GPC5: variants seen among roughly 807,000 people sequenced by gnomAD.
The protein encoded by GPC5 is glypican 5.
GPC5 carries 47 observed loss-of-function variants against 53.9 expected under a neutral mutation model. The ratio of observed to expected loss-of-function variants is 0.87; its 90% CI spans 0.69 to 1.11. The LOEUF is 1.11. Among genes scored for constraint, GPC5 ranks in the 50% most tolerant of loss-of-function variants. The pLI is 0.00. For missense variants in GPC5, 748 were observed against 713.1 expected (o/e 1.05, Z -0.56); for synonymous variants, 286 against 263.3 (o/e 1.09, Z -0.84).
chr13:91,454,090 C>T (rs1881373930), intron 2 of GPC5, among the ~76,000 whole-genome samples: 2 of 152,056 alleles, frequency 1.3e-5, no homozygotes, highest in African/African-American at 4.8e-5. Context: ...TCTAATACAG[C>T]AGCTATCAGT....
intron 7 of GPC5, among the ~76,000 whole-genome samples, chr13:92,343,303 G>A (rs981229922): frequency 1.3e-5 from 2 of 152,134 alleles, no homozygotes; most frequent in African/African-American, 4.8e-5. Context: ...GCAAATTAGT[G>A]ATAGAATTTG....
At chr13:91,976,355 G>T (rs544967734) in intron 6 of GPC5, among the ~76,000 whole-genome samples, 2 of 152,186 alleles carry the variant, frequency 1.3e-5, no homozygotes, top group Non-Finnish European at 2.9e-5. Flanking sequence ...CCAGAGATTT[G>T]GTTTAGGTCC....
chr13:91,458,352 A>C (rs950437114), intron 2 of GPC5, among the ~76,000 whole-genome samples: 4 of 152,090 alleles, frequency 2.6e-5, no homozygotes, highest in African/African-American at 9.7e-5. Context: ...ATTTGATTGT[A>C]AAATAATCAC....
intron 7 of GPC5, among the ~76,000 whole-genome samples, chr13:92,611,608 C>T (rs1294479502): frequency 1.3e-5 from 2 of 152,078 alleles, no homozygotes; most frequent in Middle Eastern, 3.2e-3. Context: ...TATTTATCAG[C>T]GCACTTGCCT....
At chr13:92,696,445 C>T (rs1020817706) in intron 7 of GPC5, among the ~76,000 whole-genome samples, 5 of 152,146 alleles carry the variant, frequency 3.3e-5, no homozygotes, top group African/African-American at 7.2e-5. Context: ...CTCTAATGAC[C>T]AGTGATGATT....
At chr13:92,300,768 T>C (rs1178580140) in intron 7 of GPC5, among the ~76,000 whole-genome samples, 1 of 152,194 alleles carries the variant, frequency 6.6e-6, no homozygotes, top group African/African-American at 2.4e-5. Context: ...CTATCTCTAG[T>C]TTGAATTTAT....
chr13:91,688,559 C>A (rs929358735), intron 2 of GPC5, among the ~76,000 whole-genome samples: 2 of 152,048 alleles, frequency 1.3e-5, no homozygotes, highest in African/African-American at 2.4e-5. Flanking sequence ...CAATAAATTA[C>A]TTAAATCAAA....
chr13:91,595,522 G>A (rs896511339), intron 2 of GPC5, among the ~76,000 whole-genome samples: 5 of 151,878 alleles, frequency 3.3e-5, no homozygotes, highest in African/African-American at 9.7e-5. Context: ...AATATATGAA[G>A]TTTTTATGTT....
At chr13:92,645,270 C>G (rs1368593569) in intron 7 of GPC5, among the ~76,000 whole-genome samples, 1 of 152,128 alleles carries the variant, frequency 6.6e-6, no homozygotes, top group Non-Finnish European at 1.5e-5. Context: ...CTCAGCCTCC[C>G]AAGTAGCTGG....
At chr13:92,079,598 C>T (rs1044406847) in intron 6 of GPC5, among the ~76,000 whole-genome samples, 8 of 152,176 alleles carry the variant, frequency 5.3e-5, no homozygotes, top group African/African-American at 9.7e-5. Flanking sequence ...TTCCTTACTT[C>T]GACAACACCT....
intron 6 of GPC5, among the ~76,000 whole-genome samples, chr13:91,968,349 G>T (rs1297926336): frequency 2.6e-5 from 4 of 151,958 alleles, no homozygotes; most frequent in Non-Finnish European, 5.9e-5. Flanking sequence ...AATATTGATG[G>T]TATTGTCTGA....
At chr13:92,082,573 A>G (rs1182474980) in intron 6 of GPC5, among the ~76,000 whole-genome samples, 1 of 152,334 alleles carries the variant, frequency 6.6e-6, no homozygotes, top group Non-Finnish European at 1.5e-5. Flanking sequence ...TTAGCAAAAA[A>G]ATAGTTTTCT....
At chr13:91,651,746 A>T (rs1172021747) in intron 2 of GPC5, among the ~76,000 whole-genome samples, 1 of 152,078 alleles carries the variant, frequency 6.6e-6, no homozygotes, top group South Asian at 2.1e-4. Flanking sequence ...ATTTATAAAG[A>T]TAAATGTTCT....
intron 7 of GPC5, among the ~76,000 whole-genome samples, chr13:92,730,585 T>C (rs1888771593): frequency 6.7e-6 from 1 of 149,882 alleles, no homozygotes; most frequent in South Asian, 2.1e-4. Flanking sequence ...TGTCCAGACT[T>C]GCTTTTTTCT....
chr13:91,503,983 C>T (rs979305355), intron 2 of GPC5, among the ~76,000 whole-genome samples: 23 of 151,486 alleles, frequency 1.5e-4, no homozygotes, highest in African/African-American at 4.8e-4. Context: ...AATGGCATAT[C>T]ATAGTTAATA....
intron 4 of GPC5, among the ~76,000 whole-genome samples, chr13:91,754,357 G>A (rs1248271588): frequency 2.6e-5 from 4 of 152,038 alleles, no homozygotes; most frequent in Non-Finnish European, 5.9e-5. Flanking sequence ...AGATGATAAA[G>A]GCTTGGACTA....
At chr13:92,092,992 C>T (rs1004575341) in intron 6 of GPC5, among the ~76,000 whole-genome samples, 4 of 152,086 alleles carry the variant, frequency 2.6e-5, no homozygotes, top group African/African-American at 9.7e-5. Context: ...GGATAATTTG[C>T]ATTTTCATGG....
intron 7 of GPC5, among the ~76,000 whole-genome samples, chr13:92,743,865 C>A (rs1414125144): frequency 1.3e-5 from 2 of 152,128 alleles, no homozygotes; most frequent in Admixed American, 6.6e-5. Flanking sequence ...GTCTTTGGTT[C>A]TGTTTATATG....
chr13:91,567,711 G>A (rs2031598119), intron 2 of GPC5, among the ~76,000 whole-genome samples: 1 of 152,164 alleles, frequency 6.6e-6, no homozygotes, highest in Admixed American at 6.6e-5. Context: ...GGAACATTCT[G>A]TGGTTTGACC....
Sources: gnomAD v4.1 joint callset for allele counts (sites outside exome capture counted in the v4.1 genomes callset) on GRCh38, gnomAD v4.1.1 for gene constraint, MANE v1.5 for transcripts, NCBI Gene and HGNC (gene_info 2026-07-23, HGNC 2026-07-21) for gene names.